The following TF variants were observed in gnomAD, a reference collection of about 807,000 sequenced individuals.
TF encodes the protein transferrin.
Under a neutral mutation model 82.4 loss-of-function variants are expected in TF, and 55 were observed. The ratio of observed to expected loss-of-function variants is 0.67; its 90% CI spans 0.54 to 0.84. The LOEUF (loss-of-function observed/expected upper bound fraction) is 0.84. TF is among the 40% of genes least tolerant of loss of function. TF has a pLI of 0.00. For synonymous variants in TF, 332 were observed against 332.6 expected (o/e 1.00, Z 0.02); for missense variants, 737 against 868.4 (o/e 0.85, Z 1.90).
the TF span, among the ~76,000 whole-genome samples, chr3:133,676,955 G>T: frequency 6.6e-6 from 1 of 152,186 alleles, no homozygotes; most frequent in Admixed American, 6.5e-5. Flanking sequence ...TCTGGGATAC[G>T]CTTTCTTCAA....
At chr3:133,768,784 A>ATTTTTTTT (rs5852766) in intron 13 of TF, among the ~76,000 whole-genome samples, 2 of 82,168 alleles carry the variant, frequency 2.4e-5, no homozygotes, top group African/African-American at 5.1e-5. Flanking sequence ...GTACCTTGCT[A>ATTTTTTTT]TTTTTTTTTT....
the TF span, among the ~76,000 whole-genome samples, chr3:133,705,458 G>C: frequency 6.6e-6 from 1 of 152,154 alleles, no homozygotes; most frequent in African/African-American, 2.4e-5. Context: ...CTAATGCAAA[G>C]GGATATGACC....
At position 133,764,852 on chromosome 3, in the gene TF, T is replaced by C. The variant is rs1880669; in HGVS notation, c.1298-23T>C. On this transcript the variant is annotated intron_variant, in intron 10 of 16. Coordinates refer to ENST00000402696, the MANE Select transcript of TF (RefSeq NM_001063.4). ...TCTATAAATCAGGGTTTAATGCCTT[T>C]TTCATTTTCTTTTCTCCTGCAGAGA... 930,555 of 1,609,006 alleles carry C rather than the reference T, an allele frequency of 0.58. 272,085 individuals carry two copies. Among genetic ancestry groups the C allele is most frequent in the Non-Finnish European group, 0.59 (699,351 of 1,176,026 alleles).
At chr3:133,703,193 A>G in the TF span, among the ~76,000 whole-genome samples, 1 of 152,164 alleles carries the variant, frequency 6.6e-6, no homozygotes, top group Non-Finnish European at 1.5e-5. Flanking sequence ...TATATCTTTA[A>G]TATTAATGGT....
chr3:133,756,191 G>A, intron 5 of TF, 91 bp from the exon 6 acceptor site: 2 of 1,290,026 alleles, frequency 1.6e-6, no homozygotes, highest in Non-Finnish European at 2.2e-6. Flanking sequence ...CTCTATCCTA[G>A]TGTGAGTGCT....
upstream of TF, chr3:133,746,181 C>T (rs1251954511): frequency 3.4e-6 from 2 of 580,568 alleles, no homozygotes; most frequent in South Asian, 1.9e-5. Flanking sequence ...GCTTCATGTC[C>T]CTTCCCATCA....
At chr3:133,747,256 C>G (rs970718330) in intron 1 of TF, 1 of 153,212 alleles carries the variant, frequency 6.5e-6, no homozygotes, top group African/African-American at 2.4e-5. Context: ...CCTTTATCCC[C>G]GCACAGAGCA....
rs915465112 is a variant in TF at position 133,790,539 on chromosome 3, A to G, written c.*11919A>G. ...ATATGGAAAAAGTTTAGATAATAAA[A>G]TATTCTTTAAAACCTGATAGAGAAT... On this transcript the variant is annotated 3_prime_UTR_variant, in exon 17 of 17. Coordinates refer to ENST00000402696, the MANE Select transcript of TF (RefSeq NM_001063.4). 6.6e-6 allele frequency: 1 copy of G among 152,270 alleles called. No homozygotes were observed. The highest frequency in any genetic ancestry group is 1.5e-5 in the Non-Finnish European group (1 of 68,054). 9.4% of individuals were successfully genotyped at this position (152,270 alleles called of 1,614,324 possible).
the TF span, among the ~76,000 whole-genome samples, chr3:133,698,555 T>G: frequency 1.9e-3 from 282 of 152,270 alleles, 1 homozygote; most frequent in Non-Finnish European, 3.3e-3. Context: ...TGGTGTTGCT[T>G]GACTCACAGA....
the TF span, among the ~76,000 whole-genome samples, chr3:133,683,679 C>A: frequency 6.6e-6 from 1 of 152,222 alleles, no homozygotes; most frequent in South Asian, 2.1e-4. Flanking sequence ...ACACCCAATA[C>A]AGGAGCACCC....
At chr3:133,686,103 T>G in the TF span, among the ~76,000 whole-genome samples, 2 of 152,216 alleles carry the variant, frequency 1.3e-5, no homozygotes, top group African/African-American at 4.8e-5. Flanking sequence ...GGGGAAAGGA[T>G]TCCCTGTTTA....
In TF at chr3:133,780,554, A is replaced by G. The variant is rs1168930939; in HGVS notation, c.*1934A>G. The G allele has an allele frequency of 6.6e-6, 1 of 152,238 alleles. No homozygotes were observed. Among genetic ancestry groups the G allele is most frequent in the Non-Finnish European group, 1.5e-5 (1 of 68,052 alleles). 9.4% of individuals were successfully genotyped at this position (152,238 alleles called of 1,614,324 possible). ...AGAAGCATTCCTACTAAAGTTAGGA[A>G]CATGAAAAAAATTGATTACTATCTA... On this transcript the variant is annotated 3_prime_UTR_variant, in exon 17 of 17. Transcript: ENST00000402696.
rs1934853657 is a variant in TF, at chr3:133,792,080, T to C, written c.*13460T>C. 1 of 152,194 alleles carries C rather than the reference T, an allele frequency of 6.6e-6. No homozygotes were observed. Among genetic ancestry groups the C allele is most frequent in the Admixed American group, 6.5e-5 (1 of 15,282 alleles). The allele number at this position is 152,194 out of a possible 1,614,324, so 9.4% of individuals were successfully genotyped here. ...ATTAGATTTGCAAAATGCTTTAAGG[T>C]CATAAACCGCTTCTTTGACTTTTAA... On this transcript the variant is annotated 3_prime_UTR_variant, in exon 17 of 17. Coordinates refer to ENST00000402696, the MANE Select transcript of TF (RefSeq NM_001063.4).
At chr3:133,728,117 T>C in the TF span, among the ~76,000 whole-genome samples, 4 of 152,232 alleles carry the variant, frequency 2.6e-5, no homozygotes, top group Admixed American at 6.5e-5. Context: ...TTGGTGAATC[T>C]GACAATTATG....
At chr3:133,737,418 C>T in the TF span, among the ~76,000 whole-genome samples, 5 of 151,724 alleles carry the variant, frequency 3.3e-5, no homozygotes, top group Non-Finnish European at 7.4e-5. Context: ...AGAGAAGCAA[C>T]AGCAAACACA....
chr3:133,691,337 C>T, the TF span, among the ~76,000 whole-genome samples: 1 of 152,144 alleles, frequency 6.6e-6, no homozygotes, highest in Admixed American at 6.5e-5. Context: ...CTTACGTACC[C>T]AAGAAATGTT....
the TF span, among the ~76,000 whole-genome samples, chr3:133,693,516 C>A: frequency 0.48 from 72,956 of 152,068 alleles, 18,226 homozygotes; most frequent in Non-Finnish European, 0.54. Context: ...GTGACAGGGA[C>A]AAGTGACTGC....
At chr3:133,766,090 A>G (rs1430148771) in intron 11 of TF, among the ~76,000 whole-genome samples, 188 bp from the exon 12 acceptor site, 6 of 152,210 alleles carry the variant, frequency 3.9e-5, no homozygotes, top group African/African-American at 1.4e-4. Flanking sequence ...TTTTGTTTTT[A>G]AAGTTCAGAT....
the TF span, among the ~76,000 whole-genome samples, chr3:133,685,676 A>G: frequency 1.3e-5 from 2 of 152,176 alleles, no homozygotes; most frequent in African/African-American, 4.8e-5. Flanking sequence ...AGAACTACAA[A>G]CCACTACTCA....
Sources: gnomAD v4.1 joint callset for allele counts (sites outside exome capture counted in the v4.1 genomes callset) on GRCh38, gnomAD v4.1.1 for gene constraint, MANE v1.5 for transcripts, NCBI Gene and HGNC (gene_info 2026-07-23, HGNC 2026-07-21) for gene names.